Variants in LRRK1 observed in about 807,000 individuals in gnomAD.
The protein encoded by LRRK1 is leucine rich repeat kinase 1.
LRRK1 carries 113 observed loss-of-function variants against 209.1 expected under a neutral mutation model. That is an observed-to-expected ratio of 0.54 (90% CI 0.46 to 0.63). The LOEUF is 0.63. Ranked by LOEUF, LRRK1 falls within the 30% of genes least tolerant of loss-of-function variation. LRRK1 has a pLI of 0.00. For synonymous variants in LRRK1, 1,144 were observed against 1,099.7 expected, an observed-to-expected ratio of 1.04 and a Z score of -0.80; for missense variants, 2,284 against 2,632.2, an observed-to-expected ratio of 0.87 and a Z score of 2.89.
intron 2 of LRRK1, among the ~76,000 whole-genome samples, chr15:100,938,322 CTTGTCT>C (rs1186394699): frequency 6.6e-6 from 1 of 151,944 alleles, no homozygotes; most frequent in Non-Finnish European, 1.5e-5. Flanking sequence ...AATAATTGTG[CTTGTCT>C]ATGGGATACA....
At chr15:100,934,621 C>G (rs1275941275) in intron 2 of LRRK1, among the ~76,000 whole-genome samples, 2 of 104,082 alleles carry the variant, frequency 1.9e-5, no homozygotes, top group African/African-American at 7.3e-5. Flanking sequence ...AAAACCCCAT[C>G]TCTACAAAAA....
chr15:100,967,722 C>G (rs909950529), intron 2 of LRRK1, among the ~76,000 whole-genome samples: 2 of 152,168 alleles, frequency 1.3e-5, no homozygotes, highest in Non-Finnish European at 2.9e-5. Context: ...ATTCATATAC[C>G]TACCACTCAG....
intron 6 of LRRK1, among the ~76,000 whole-genome samples, chr15:101,005,759 C>G (rs1217720119): frequency 6.6e-6 from 1 of 151,986 alleles, no homozygotes; most frequent in Non-Finnish European, 1.5e-5. Context: ...GGGGCTCCCC[C>G]TGGACAAATT....
At chr15:100,965,428 C>T (rs887011714) in intron 2 of LRRK1, among the ~76,000 whole-genome samples, 2 of 152,172 alleles carry the variant, frequency 1.3e-5, no homozygotes, top group Non-Finnish European at 2.9e-5. Context: ...TAACCAAATG[C>T]TTCTTTATGT....
At position 101,048,479 on chromosome 15, in the gene LRRK1, T is replaced by C. The variant is rs1285835404; in HGVS notation, c.3136-15T>C. 1.9e-6 allele frequency: 3 copies of C among 1,600,412 alleles called. No homozygotes were observed. Among genetic ancestry groups the C allele is most frequent in the African/African-American group, 2.7e-5 (2 of 73,720 alleles). The stretch of plus-strand genomic sequence containing the variant: ...GCCCAGAATACTTAAGCAGGGTCTT[T>C]TCTCTGTCTTTCAGCTTTTTGAAAA... On this transcript the variant is annotated splice_polypyrimidine_tract_variant and intron_variant, in intron 21 of 33. Coordinates refer to ENST00000388948, the MANE Select transcript of LRRK1 (RefSeq NM_024652.6).
At chr15:100,962,821 ATATTTT>A (rs1201089754) in intron 2 of LRRK1, among the ~76,000 whole-genome samples, 26 of 14,698 alleles carry the variant, frequency 1.8e-3, no homozygotes, top group Non-Finnish European at 3.1e-3. Flanking sequence ...ATATATATAT[ATATTTT>A]TTTTTTTTTT....
At chr15:100,935,759 A>G (rs1307920273) in intron 2 of LRRK1, among the ~76,000 whole-genome samples, 2 of 152,156 alleles carry the variant, frequency 1.3e-5, no homozygotes, top group African/African-American at 2.4e-5. Context: ...AGAACAACGA[A>G]TGATCATTTC....
chr15:100,995,381 G>A (rs2032356230), intron 6 of LRRK1, among the ~76,000 whole-genome samples: 1 of 152,168 alleles, frequency 6.6e-6, no homozygotes, highest in Non-Finnish European at 1.5e-5. Flanking sequence ...ATTGGCAGTG[G>A]CTGGCTGCTT....
Position 101,065,999 on chromosome 15 carries a change from G to A in LRRK1, c.5562G>A (p.Arg1854=), listed in dbSNP as rs769383028. Residue 1854 remains arginine (R), a synonymous_variant, in exon 32 of 34, where the codon AGG becomes AGA. Coordinates refer to ENST00000388948, the MANE Select transcript of LRRK1 (RefSeq NM_024652.6). The stretch of plus-strand genomic sequence containing the variant: ...CATCCCCACCCCGCCAGGCTGCCAG[G>A]TCCCCCTCAAGCCTCCCCAGCTCCC... The part of the protein sequence containing the change: ...YSSSPPRQAA[R]SPSSLPSSPA... The A allele has an allele frequency of 1.9e-6, 3 of 1,613,938 alleles. No individual in the cohort carries two copies. In the African/African-American group the frequency reaches 4.0e-5, roughly 22 times the overall value.
At chr15:100,937,880 T>G (rs2042331675) in intron 2 of LRRK1, among the ~76,000 whole-genome samples, 1 of 151,970 alleles carries the variant, frequency 6.6e-6, no homozygotes, top group African/African-American at 2.4e-5. Context: ...AGACAGGGTC[T>G]CACTCTGTCA....
rs1596204564 is a variant in LRRK1, at chr15:100,962,810, T to TATATATATACACATATATATATAC, written c.98-10985_98-10984insCACATATATATATACATATATATA. Among the ~76,000 whole-genome samples, 5 of 30,234 alleles carry TATATATATACACATATATATATAC rather than the reference T, an allele frequency of 1.7e-4. 2 individuals carry two copies. The highest frequency in any genetic ancestry group is 1.5e-4 in the Non-Finnish European group (2 of 13,430). The allele number at this position is 30,234 out of a possible 152,430, so 19.8% of individuals were successfully genotyped here. A position where few individuals can be genotyped will look rare whatever the true frequency, so the allele number is the denominator to read the frequency against. ...TTCATTTTGCATATATATATATATATATATATATATATATTTTTTTTTTTT... is the reference window on the plus strand; with the variant it reads ...TTCATTTTGCATATATATATATATATATATATATACACATATATATATACATATATATATATATTTTTTTTTTTT... On this transcript the variant is annotated intron_variant, in intron 2 of 33. Coordinates refer to ENST00000388948, the MANE Select transcript of LRRK1 (RefSeq NM_024652.6).
At chr15:100,956,455 C>CTTTTTTTTT (rs776326423) in intron 2 of LRRK1, among the ~76,000 whole-genome samples, 3 of 60,530 alleles carry the variant, frequency 5.0e-5, no homozygotes, top group African/African-American at 1.7e-4. Context: ...TTTTTTTTTT[C>CTTTTTTTTT]TTTTTTTTTT....
intron 2 of LRRK1, among the ~76,000 whole-genome samples, chr15:100,959,197 G>A (rs1476381565): frequency 6.6e-6 from 1 of 152,134 alleles, no homozygotes; most frequent in East Asian, 1.9e-4. Flanking sequence ...CTGTAGATGG[G>A]CAAAATTATA....
intron 20 of LRRK1, among the ~76,000 whole-genome samples, chr15:101,030,586 G>A (rs558327483): frequency 2.6e-5 from 4 of 152,028 alleles, no homozygotes; most frequent in South Asian, 4.2e-4. Context: ...CCCCACCCAC[G>A]GAACTGTGCT....
In LRRK1 at chr15:101,046,789, C is replaced by T. The variant is rs762273643; in HGVS notation, c.3135+637C>T. ...GAACTGTACGTTGGTTCTGGTAACA[C>T]GGGAGACCCCCCGCCCAAGGAGTTA... On this transcript the variant is annotated intron_variant, in intron 21 of 33. Transcript: ENST00000388948. 7.2e-5 allele frequency among the ~76,000 whole-genome samples: 11 copies of T among 152,238 alleles called. No individual in the cohort carries two copies. The East Asian group carries it at 1.2e-3, about 16-fold the overall frequency.
chr15:101,077,925 G>A lies in LRRK1; in HGVS notation c.*9077G>A, dbSNP rs973558215. 6.6e-6 allele frequency: 1 copy of A among 152,420 alleles called. No individual in the cohort carries two copies. Among genetic ancestry groups the A allele is most frequent in the Non-Finnish European group, 1.5e-5 (1 of 68,186 alleles). The allele number at this position is 152,420 out of a possible 1,614,324, so 9.4% of individuals were successfully genotyped here. On this transcript the variant is annotated 3_prime_UTR_variant, in exon 34 of 34. Coordinates refer to ENST00000388948, the MANE Select transcript of LRRK1 (RefSeq NM_024652.6). ...GCCCAGATGGCCTGAAGTAACTGAA[G>A]AATCACAAAAGAAGTGAATATGCCC... is the stretch of plus-strand genomic sequence containing the variant.
intron 29 of LRRK1, among the ~76,000 whole-genome samples, chr15:101,059,138 C>A (rs1368907398): frequency 6.6e-6 from 1 of 152,132 alleles, no homozygotes; most frequent in African/African-American, 2.4e-5. Context: ...GCCTGTAACC[C>A]CAGCACTTTA....
chr15:100,975,748 A>G (rs1230844239), intron 3 of LRRK1, among the ~76,000 whole-genome samples: 1 of 152,264 alleles, frequency 6.6e-6, no homozygotes, highest in Non-Finnish European at 1.5e-5. Flanking sequence ...ACAAATCAAT[A>G]TGAAATAATA....
At chr15:101,040,688 T>C (rs987292500) in intron 20 of LRRK1, among the ~76,000 whole-genome samples, 7 of 152,222 alleles carry the variant, frequency 4.6e-5, no homozygotes, top group African/African-American at 1.4e-4. Context: ...ATATGACAAA[T>C]ACAACTAATT....
Sources: gnomAD v4.1 joint callset for allele counts (sites outside exome capture counted in the v4.1 genomes callset) on GRCh38, gnomAD v4.1.1 for gene constraint, MANE v1.5 for transcripts, NCBI Gene and HGNC (gene_info 2026-07-23, HGNC 2026-07-21) for gene names.